Variants in PIAS4 observed in about 807,000 individuals in gnomAD.
PIAS4 encodes the protein E3 SUMO-protein ligase PIAS4.
In PIAS4, 7 loss-of-function variants were observed where a neutral mutation model predicts 58.0. That is an observed-to-expected ratio of 0.12 (90% CI 0.07 to 0.23). The LOEUF is 0.23. PIAS4 is among the 10% of genes least tolerant of loss of function. The pLI, the probability that PIAS4 is intolerant of heterozygous loss-of-function variation, is 1.00. For synonymous variants in PIAS4, 364 were observed against 312.4 expected (o/e 1.17, Z -1.74); for missense variants, 550 against 709.5 (o/e 0.78, Z 2.55).
intron 3 of PIAS4, among the ~76,000 whole-genome samples, chr19:4,024,494 C>T (rs2040142927): frequency 6.6e-6 from 1 of 152,206 alleles, no homozygotes; most frequent in African/African-American, 2.4e-5. Flanking sequence ...TGTCCCCAGA[C>T]ATTGTCCAGT....
intron 7 of PIAS4, among the ~76,000 whole-genome samples, chr19:4,029,417 C>T (rs1252504921): frequency 5.3e-5 from 8 of 152,136 alleles, no homozygotes; most frequent in East Asian, 1.9e-4. Flanking sequence ...GTTGCCTCAG[C>T]GGGGCCGAGG....
chr19:4,008,389 C>T (rs114993795), intron 1 of PIAS4, among the ~76,000 whole-genome samples: 4,668 of 152,090 alleles, frequency 0.031, 233 homozygotes, highest in African/African-American at 0.11. Flanking sequence ...CACGGCACGT[C>T]CTCTTGGGGT....
chr19:4,033,062 C>G, intron 7 of PIAS4, 38 bp from the exon 8 acceptor site: 2 of 1,572,638 alleles, frequency 1.3e-6, no homozygotes, highest in Non-Finnish European at 1.7e-6. Flanking sequence ...CCTGCTGTTC[C>G]CACCCTCCTG....
Position 4,037,241 on chromosome 19 carries a change from G to C in PIAS4, c.1143-133G>C. On this transcript the variant is annotated intron_variant, in intron 9 of 10. Coordinates refer to ENST00000262971, the MANE Select transcript of PIAS4 (RefSeq NM_015897.4). This position sits in a 1 kb window ranked among gnomAD's most constrained non-coding sequence, Gnocchi z 5.8. ...GAATGCGGGGTCCCTGGACCCCTGC[G>C]GTCGGGGTGGTGAGGCTGCTCTTGC... 8.7e-7 allele frequency: 1 copy of C among 1,154,862 alleles called. No homozygotes were observed. The allele number at this position is 1,154,862 out of a possible 1,614,324, so 71.5% of individuals were successfully genotyped here. A position where few individuals can be genotyped will look rare whatever the true frequency, so the allele number is the denominator to read the frequency against.
At chr19:4,034,102 C>T (rs1450239714) in intron 9 of PIAS4, among the ~76,000 whole-genome samples, 1 of 152,240 alleles carries the variant, frequency 6.6e-6, no homozygotes, top group African/African-American at 2.4e-5. Context: ...GTGGAAGGCT[C>T]TGCCCAGGGC....
intron 9 of PIAS4, among the ~76,000 whole-genome samples, chr19:4,036,018 C>T (rs1223264204): frequency 1.3e-5 from 2 of 149,138 alleles, no homozygotes; most frequent in Admixed American, 1.3e-4. Context: ...CACCTTCACA[C>T]ATCCATACAG....
chr19:4,037,904 G>A lies in PIAS4; in HGVS notation c.*29G>A. 1 of 1,564,058 alleles carries A rather than the reference G, an allele frequency of 6.4e-7. No individual in the cohort carries two copies. Among genetic ancestry groups the A allele is most frequent in the Non-Finnish European group, 8.6e-7 (1 of 1,161,476 alleles). Reference sequence around the variant, plus strand: ...CGGCCGCACACTCGACTTTCCTGGTGCTCACCACGCAGAGGGGCACGGGCC... The same window carrying A: ...CGGCCGCACACTCGACTTTCCTGGTACTCACCACGCAGAGGGGCACGGGCC... On this transcript the variant is annotated 3_prime_UTR_variant, in exon 11 of 11. Coordinates refer to ENST00000262971, the MANE Select transcript of PIAS4 (RefSeq NM_015897.4). The surrounding 1 kb of genome is among the most constrained non-coding windows in gnomAD (Gnocchi z 5.8).
intron 4 of PIAS4, 37 bp from the exon 5 acceptor site, chr19:4,028,473 C>T (rs1346379571): frequency 2.0e-6 from 3 of 1,500,764 alleles, no homozygotes; most frequent in Admixed American, 3.5e-5. Flanking sequence ...CTCCTGTGCG[C>T]CCCCTCCCCG....
At chr19:4,018,670 C>T (rs1292149572) in intron 2 of PIAS4, 1 of 152,266 alleles carries the variant, frequency 6.6e-6, no homozygotes, top group African/African-American at 2.4e-5. Flanking sequence ...CTTCATGCTT[C>T]AGTGGCCCAA....
chr19:4,014,329 G>A (rs1432331717), intron 2 of PIAS4, among the ~76,000 whole-genome samples: 2 of 152,178 alleles, frequency 1.3e-5, no homozygotes, highest in African/African-American at 2.4e-5. Context: ...TCAGGCTGCA[G>A]GTGGGCATTG....
Position 4,013,054 on chromosome 19 carries a change from G to A in PIAS4, c.159G>A (p.Glu53=), listed in dbSNP as rs1338600767. ...TGGTGCAGTTTGACTGTAGCCCTGA[G>A]CTGTTCAAGAAGATCAAGGAGCTGT... is the stretch of plus-strand genomic sequence containing the variant. ...LQLVQFDCSP[E]LFKKIKELYE... is the part of the protein sequence containing the mutation. The change falls in exon 2 of 11, where the codon GAG becomes GAA. Residue 53 remains glutamate, a synonymous_variant. Coordinates refer to ENST00000262971, the MANE Select transcript of PIAS4 (RefSeq NM_015897.4). This position sits in a 1 kb window ranked among gnomAD's most constrained non-coding sequence, Gnocchi z 5.1. 6.2e-7 allele frequency: 1 copy of A among 1,613,452 alleles called. No homozygotes were observed. The highest frequency in any genetic ancestry group is 1.3e-5 in the African/African-American group (1 of 74,886).
rs373276420 is a variant in PIAS4 at position 4,037,325 on chromosome 19, G to T, written c.1143-49G>T. 134 of 1,566,494 alleles carry T rather than the reference G, an allele frequency of 8.6e-5. 1 individual carries two copies. Among genetic ancestry groups the T allele is most frequent in the Non-Finnish European group, 7.7e-5 (89 of 1,154,776 alleles). On this transcript the variant is annotated intron_variant, in intron 9 of 10. Coordinates refer to ENST00000262971, the MANE Select transcript of PIAS4 (RefSeq NM_015897.4). This position sits in a 1 kb window ranked among gnomAD's most constrained non-coding sequence, Gnocchi z 5.8. ...GAGGGATGGAGGGCTGGGGAGTTGG[G>T]GGGGTGGGGCACCTCCAGCCCCGGC...
At chr19:4,010,805 G>C (rs1194458568) in intron 1 of PIAS4, among the ~76,000 whole-genome samples, 1 of 152,232 alleles carries the variant, frequency 6.6e-6, no homozygotes, top group Non-Finnish European at 1.5e-5. Context: ...GGAGCAAGAC[G>C]CTGGCATCCC....
At chr19:4,033,634 C>T (rs1017982938) in intron 9 of PIAS4, 54 bp downstream of exon 9, 28 of 1,454,568 alleles carry the variant, frequency 1.9e-5, no homozygotes, top group Admixed American at 4.1e-5. Flanking sequence ...GTGGAGGTCT[C>T]GGTGGCACCC....
Position 4,028,944 on chromosome 19 carries a change from C to T in PIAS4, c.815C>T (p.Ala272Val). The stretch of plus-strand genomic sequence containing the variant: ...TTCTGTCCCCAGAGCTACTCGGTGG[C>T]CCTGTACCTGGTGCGGCAGCTGACC... Reference protein sequence around the residue: ...WGNYGKSYSVALYLVRQLTSS... With the variant: ...WGNYGKSYSVVLYLVRQLTSS... The change falls in exon 7 of 11, where the codon GCC becomes GTC. Residue 272 changes from alanine to valine, a missense_variant. By Grantham distance (64) the Ala-to-Val change is moderately conservative. Around this residue, in one of 4 missense-constraint regions of PIAS4, gnomAD observed 225 missense variants for 345.8 expected, o/e 0.65. Coordinates refer to ENST00000262971, the MANE Select transcript of PIAS4 (RefSeq NM_015897.4). The T allele has an allele frequency of 6.2e-7, 1 of 1,611,902 alleles. No individual in the cohort carries two copies. Among genetic ancestry groups the T allele is most frequent in the Non-Finnish European group, 8.5e-7 (1 of 1,179,458 alleles).
intron 1 of PIAS4, among the ~76,000 whole-genome samples, chr19:4,010,381 G>A (rs181467712): frequency 6.6e-6 from 1 of 152,338 alleles, no homozygotes; most frequent in East Asian, 1.9e-4. Context: ...CAGCCCACCT[G>A]CCTTCGGCCA....
chr19:4,016,210 G>A (rs1170648124), intron 2 of PIAS4, among the ~76,000 whole-genome samples: 1 of 152,216 alleles, frequency 6.6e-6, no homozygotes, highest in African/African-American at 2.4e-5. Flanking sequence ...TCCTGTCAGG[G>A]TACTTGGGAA....
chr19:4,010,993 T>C (rs1487650212), intron 1 of PIAS4, among the ~76,000 whole-genome samples: 1 of 152,186 alleles, frequency 6.6e-6, no homozygotes, highest in Non-Finnish European at 1.5e-5. Flanking sequence ...AGCTGACAGA[T>C]GAGGACCCGA....
chr19:4,011,112 G>A (rs538223247), intron 1 of PIAS4, among the ~76,000 whole-genome samples: 37 of 152,352 alleles, frequency 2.4e-4, no homozygotes, highest in East Asian at 1.5e-3. Flanking sequence ...TGGCACGGAG[G>A]CTGCAGTTTA....
Sources: allele counts gnomAD v4.1 joint callset (sites outside exome capture counted in the v4.1 genomes callset), GRCh38; gene constraint gnomAD v4.1.1; regional missense constraint gnomAD v4.1.1; non-coding constraint Gnocchi (gnomAD v3.1); transcripts MANE v1.5; gene names NCBI Gene and HGNC (gene_info 2026-07-23, HGNC 2026-07-21).